Variants in EYS observed in about 807,000 individuals in gnomAD.
The protein encoded by EYS is protein eyes shut homolog.
EYS carries 250 observed loss-of-function variants against 282.1 expected under a neutral mutation model. The ratio of observed to expected loss-of-function variants is 0.89; its 90% CI spans 0.80 to 0.98. The LOEUF (loss-of-function observed/expected upper bound fraction) is 0.98, where lower values mean the gene tolerates loss of function less well. Among genes scored for constraint, EYS ranks in the 50% least tolerant of loss-of-function variants. EYS has a pLI of 0.00. For missense variants in EYS, 4,016 were observed against 3,709.0 expected (o/e 1.08, Z -2.15); for synonymous variants, 1,355 against 1,282.9 (o/e 1.06, Z -1.20).
At chr6:63,965,769 G>A (rs553659753) in intron 35 of EYS, among the ~76,000 whole-genome samples, 20 of 152,228 alleles carry the variant, frequency 1.3e-4, no homozygotes, top group Middle Eastern at 3.4e-3. Context: ...TGTAAGATCT[G>A]GGGGAACGGC....
intron 31 of EYS, among the ~76,000 whole-genome samples, chr6:64,124,146 T>C (rs1345538441): frequency 6.6e-6 from 1 of 152,202 alleles, no homozygotes; most frequent in Non-Finnish European, 1.5e-5. Context: ...TCTTGTAGTG[T>C]CTTATTTTCA....
intron 31 of EYS, among the ~76,000 whole-genome samples, chr6:64,151,417 A>G (rs751892999): frequency 3.8e-4 from 54 of 142,862 alleles, no homozygotes; most frequent in Non-Finnish European, 6.5e-4. Context: ...CTGGAGTGCA[A>G]TGGTGCCATC....
At chr6:64,417,947 C>A (rs905618472) in intron 28 of EYS, among the ~76,000 whole-genome samples, 2 of 152,172 alleles carry the variant, frequency 1.3e-5, no homozygotes, top group Non-Finnish European at 2.9e-5. Context: ...GCTGGGATTA[C>A]AGGCACGAGC....
chr6:64,975,512 C>A (rs1056109372), intron 14 of EYS, among the ~76,000 whole-genome samples: 1 of 151,632 alleles, frequency 6.6e-6, no homozygotes, highest in Non-Finnish European at 1.5e-5. Context: ...CTCTCCAATA[C>A]GTGTCATATT....
At chr6:65,659,899 G>T (rs2149824711) in intron 1 of EYS, among the ~76,000 whole-genome samples, 1 of 151,764 alleles carries the variant, frequency 6.6e-6, no homozygotes, top group East Asian at 1.9e-4. Context: ...TTGTAGTCAA[G>T]AAGTCAGAAT....
At chr6:63,775,226 C>A (rs1770036310) in intron 40 of EYS, among the ~76,000 whole-genome samples, 1 of 152,142 alleles carries the variant, frequency 6.6e-6, no homozygotes, top group Non-Finnish European at 1.5e-5. Flanking sequence ...ACACTGGAAA[C>A]CTTATCAGGC....
chr6:65,401,448 C>A (rs1016793154), intron 7 of EYS, among the ~76,000 whole-genome samples: 1 of 150,408 alleles, frequency 6.6e-6, no homozygotes, highest in Admixed American at 6.7e-5. Flanking sequence ...AATCTACTAG[C>A]ACATTGAGGC....
chr6:65,141,516 A>G (rs1764340755), intron 12 of EYS, among the ~76,000 whole-genome samples: 1 of 151,976 alleles, frequency 6.6e-6, no homozygotes, highest in Non-Finnish European at 1.5e-5. Flanking sequence ...CAAAATTTCT[A>G]AATCTGGCAA....
At chr6:65,533,380 T>C (rs555894388) in intron 2 of EYS, among the ~76,000 whole-genome samples, 1 of 152,156 alleles carries the variant, frequency 6.6e-6, no homozygotes, top group Non-Finnish European at 1.5e-5. Context: ...CCCAGACGGA[T>C]TCACAGCAGA....
intron 13 of EYS, among the ~76,000 whole-genome samples, chr6:65,045,742 C>T (rs1355848352): frequency 6.6e-6 from 1 of 151,740 alleles, no homozygotes; most frequent in Non-Finnish European, 1.5e-5. Flanking sequence ...GATATGGACT[C>T]TGAAATATTT....
chr6:64,864,299 T>C (rs918235751), intron 19 of EYS, among the ~76,000 whole-genome samples: 2 of 151,516 alleles, frequency 1.3e-5, no homozygotes, highest in African/African-American at 4.8e-5. Flanking sequence ...AAAAGAGAGT[T>C]TCATAGGCCA....
At chr6:65,015,033 C>T (rs2150135281) in intron 13 of EYS, among the ~76,000 whole-genome samples, 1 of 151,968 alleles carries the variant, frequency 6.6e-6, no homozygotes, top group South Asian at 2.1e-4. Flanking sequence ...GTCATGAGCC[C>T]AGGAACAAAG....
chr6:63,981,119 GTTC>G (rs1272939676), intron 35 of EYS, among the ~76,000 whole-genome samples: 1 of 151,758 alleles, frequency 6.6e-6, no homozygotes, highest in East Asian at 1.9e-4. Context: ...TTTGACCCAT[GTTC>G]TTCTTAATGA....
At chr6:65,048,024 G>C (rs1340902105) in intron 13 of EYS, among the ~76,000 whole-genome samples, 1 of 151,812 alleles carries the variant, frequency 6.6e-6, no homozygotes, top group East Asian at 1.9e-4. Flanking sequence ...GCTCCCATTT[G>C]CCAAACTCAA....
intron 26 of EYS, among the ~76,000 whole-genome samples, chr6:64,575,826 G>A (rs1765863143): frequency 1.3e-5 from 2 of 152,090 alleles, no homozygotes; most frequent in Non-Finnish European, 2.9e-5. Flanking sequence ...ACTAAAGAGA[G>A]TATATGGAAT....
intron 35 of EYS, among the ~76,000 whole-genome samples, chr6:63,909,533 T>A (rs542085882): frequency 6.6e-6 from 1 of 152,332 alleles, no homozygotes; most frequent in South Asian, 2.1e-4. Context: ...GAGGCAATTG[T>A]TAAATTTCAG....
At chr6:64,381,977 T>C (rs918912990) in intron 29 of EYS, among the ~76,000 whole-genome samples, 2 of 152,186 alleles carry the variant, frequency 1.3e-5, no homozygotes, top group African/African-American at 4.8e-5. Flanking sequence ...ATAATATCCA[T>C]ATCAAAGAAT....
At chr6:64,512,947 G>C (rs1258677999) in intron 26 of EYS, among the ~76,000 whole-genome samples, 1 of 151,210 alleles carries the variant, frequency 6.6e-6, no homozygotes, top group Non-Finnish European at 1.5e-5. Context: ...GAAAAATAAA[G>C]AGAGTTTGAA....
intron 41 of EYS, among the ~76,000 whole-genome samples, chr6:63,728,616 C>T (rs2149633539): frequency 6.6e-6 from 1 of 152,298 alleles, no homozygotes; most frequent in South Asian, 2.1e-4. Context: ...AGGATTCACT[C>T]TTCACGTACA....
Sources: allele counts gnomAD v4.1 joint callset (sites outside exome capture counted in the v4.1 genomes callset), GRCh38; gene constraint gnomAD v4.1.1; transcripts MANE v1.5; gene names NCBI Gene and HGNC (gene_info 2026-07-23, HGNC 2026-07-21).